KCNA2: variants seen among roughly 807,000 people sequenced by gnomAD.
KCNA2 encodes potassium voltage-gated channel subfamily A member 2.
A neutral mutation model predicts 33.4 loss-of-function variants in KCNA2; 11 were observed. That is an observed-to-expected ratio of 0.33 (90% CI 0.21 to 0.55). The LOEUF (loss-of-function observed/expected upper bound fraction) is 0.55. Among genes scored for constraint, KCNA2 ranks in the 20% least tolerant of loss-of-function variants. The pLI is 0.93. For synonymous variants in KCNA2, 222 were observed against 231.3 expected, an observed-to-expected ratio of 0.96 and a Z score of 0.37; for missense variants, 291 against 621.6, an observed-to-expected ratio of 0.47 and a Z score of 5.66.
rs1649078108 is a variant in KCNA2, at chr1:110,595,914, T to C, written c.*7369A>G. 4.1e-6 allele frequency: 4 copies of C among 985,430 alleles called. No homozygotes were observed. Among genetic ancestry groups the C allele is most frequent in the Non-Finnish European group, 4.8e-6 (4 of 829,928 alleles). The allele number at this position is 985,430 out of a possible 1,614,324, so 61.0% of individuals were successfully genotyped here. A position where few individuals can be genotyped will look rare whatever the true frequency, so the allele number is the denominator to read the frequency against. ...AAGAGAATGCTAAATAGATAAATCC[T>C]TTGCCAGGTCTTCAAGCTTTCCACT... On this transcript the variant is annotated 3_prime_UTR_variant, in exon 3 of 3. Coordinates refer to ENST00000316361, the MANE Select transcript of KCNA2 (RefSeq NM_004974.4).
rs1649042178 is a variant in KCNA2 at position 110,595,134 on chromosome 1, C to T, written c.*8149G>A. ...GATAGCTACCAAGGGTCCTAGCACA[C>T]AGCCACATCTACACTGCCCTCAATG... On this transcript the variant is annotated 3_prime_UTR_variant, in exon 3 of 3. Coordinates refer to ENST00000316361, the MANE Select transcript of KCNA2 (RefSeq NM_004974.4). The T allele has an allele frequency of 1.0e-6, 1 of 985,272 alleles. No homozygotes were observed. The highest frequency in any genetic ancestry group is 1.7e-5 in the African/African-American group (1 of 57,220). The allele number at this position is 985,272 out of a possible 1,614,324, so 61.0% of individuals were successfully genotyped here.
Position 110,599,178 on chromosome 1 carries a change from A to G in KCNA2, c.*4105T>C. The G allele has an allele frequency of 1.0e-6, 1 of 985,464 alleles. No homozygotes were observed. The highest frequency in any genetic ancestry group is 1.2e-6 in the Non-Finnish European group (1 of 829,936). 61.0% of individuals were successfully genotyped at this position (985,464 alleles called of 1,614,324 possible). On this transcript the variant is annotated 3_prime_UTR_variant, in exon 3 of 3. Transcript: ENST00000316361. ...AAATCAGGAGTGAGGCCTGATCCAAAGCCTGACTGCAACTCTTTACTTCCG... is the reference window on the plus strand; with the variant it reads ...AAATCAGGAGTGAGGCCTGATCCAAGGCCTGACTGCAACTCTTTACTTCCG...
intron 1 of KCNA2, among the ~76,000 whole-genome samples, chr1:110,622,536 A>G (rs192225382): frequency 4.4e-4 from 67 of 152,234 alleles, no homozygotes; most frequent in Non-Finnish European, 9.1e-4. Flanking sequence ...TAGATTGTAA[A>G]GGAAGAAGCA....
chr1:110,594,050 C>T lies in KCNA2; in HGVS notation c.*9233G>A. On this transcript the variant is annotated 3_prime_UTR_variant, in exon 3 of 3. Coordinates refer to ENST00000316361, the MANE Select transcript of KCNA2 (RefSeq NM_004974.4). ...CAGCCTCTTATCACCATGGAGACCC[C>T]AGTTCCCTTTCGGCATCATCCTTAC... The T allele has an allele frequency of 6.7e-7, 1 of 1,493,646 alleles. No individual in the cohort carries two copies. Among genetic ancestry groups the T allele is most frequent in the Non-Finnish European group, 8.9e-7 (1 of 1,123,576 alleles). The allele number at this position is 1,493,646 out of a possible 1,614,324, so 92.5% of individuals were successfully genotyped here.
At position 110,594,293 on chromosome 1, in the gene KCNA2, CTATATATATATATACATATA is replaced by C; in HGVS notation, c.*8970_*8989del. ...GGCCATTTCCTCTCTCTCTCTCTCT[CTATATATATATATACATATA>C]TATATATATGTGTGTGTATATATAT... On this transcript the variant is annotated 3_prime_UTR_variant, in exon 3 of 3. Transcript: ENST00000316361. The C allele has an allele frequency of 1.3e-6, 1 of 793,936 alleles. No homozygotes were observed. The highest frequency in any genetic ancestry group is 5.8e-5 in the South Asian group (1 of 17,360). 49.2% of individuals were successfully genotyped at this position (793,936 alleles called of 1,614,324 possible).
In KCNA2 at chr1:110,593,633, A is replaced by T; in HGVS notation, c.*9650T>A. The T allele has an allele frequency of 2.9e-6, 1 of 341,060 alleles. No individual in the cohort carries two copies. The highest frequency in any genetic ancestry group is 5.2e-6 in the Non-Finnish European group (1 of 191,814). The allele number at this position is 341,060 out of a possible 1,614,324, so 21.1% of individuals were successfully genotyped here. A position where few individuals can be genotyped will look rare whatever the true frequency, so the allele number is the denominator to read the frequency against. ...ATCACACAGAATGATGTTAAAATAAATCCCCAGTAATATATATTTATATAC... is the reference window on the plus strand; with the variant it reads ...ATCACACAGAATGATGTTAAAATAATTCCCCAGTAATATATATTTATATAC... On this transcript the variant is annotated 3_prime_UTR_variant, in exon 3 of 3. Transcript: ENST00000316361.
chr1:110,601,227 T>C lies in KCNA2; in HGVS notation c.*2056A>G, dbSNP rs906839959. ...GGTCTGGAGATCAAAATGATGCCTT[T>C]GGATCATCTAGGGACTCCATCACTT... is the stretch of plus-strand genomic sequence containing the variant. On this transcript the variant is annotated 3_prime_UTR_variant, in exon 3 of 3. Coordinates refer to ENST00000316361, the MANE Select transcript of KCNA2 (RefSeq NM_004974.4). 2 of 985,278 alleles carry C rather than the reference T, an allele frequency of 2.0e-6. No individual in the cohort carries two copies. The highest frequency in any genetic ancestry group is 3.5e-5 in the African/African-American group (2 of 57,232). 61.0% of individuals were successfully genotyped at this position (985,278 alleles called of 1,614,324 possible).
chr1:110,620,039 A>C (rs1225610395), intron 1 of KCNA2, among the ~76,000 whole-genome samples: 1 of 140,358 alleles, frequency 7.1e-6, no homozygotes, highest in South Asian at 2.4e-4. Context: ...TTAATGAGAG[A>C]GAGAGAGCGA....
chr1:110,622,414 T>C (rs1650282524), intron 1 of KCNA2, among the ~76,000 whole-genome samples: 1 of 152,158 alleles, frequency 6.6e-6, no homozygotes, highest in Non-Finnish European at 1.5e-5. Flanking sequence ...GACGGAATGC[T>C]TTCCTTCTAA....
chr1:110,630,764 T>C (rs1038500817), intron 1 of KCNA2, among the ~76,000 whole-genome samples: 1 of 152,114 alleles, frequency 6.6e-6, no homozygotes, highest in African/African-American at 2.4e-5. Flanking sequence ...TGCCAAGAAA[T>C]TGCATCTTTC....
Position 110,600,644 on chromosome 1 carries a change from A to G in KCNA2, c.*2639T>C. On this transcript the variant is annotated 3_prime_UTR_variant, in exon 3 of 3. Transcript: ENST00000316361. ...CATTTTAGAGTCCTGGGCCAAGGAC[A>G]CTGTGATAAGATATCTATCCCTGAC... 1 of 985,400 alleles carries G rather than the reference A, an allele frequency of 1.0e-6. No homozygotes were observed. The highest frequency in any genetic ancestry group is 4.7e-5 in the South Asian group (1 of 21,284). 61.0% of individuals were successfully genotyped at this position (985,400 alleles called of 1,614,324 possible).
At chr1:110,624,967 T>A (rs996852277) in intron 1 of KCNA2, among the ~76,000 whole-genome samples, 1 of 152,248 alleles carries the variant, frequency 6.6e-6, no homozygotes, top group Non-Finnish European at 1.5e-5. Flanking sequence ...AGCCTGGGGC[T>A]GCCAATAGAA....
intron 1 of KCNA2, among the ~76,000 whole-genome samples, chr1:110,614,467 C>T (rs1481649083): frequency 1.3e-5 from 2 of 152,228 alleles, no homozygotes; most frequent in Non-Finnish European, 2.9e-5. Flanking sequence ...CCACGTCCTT[C>T]TTCTCTCCCT....
At chr1:110,619,957 C>T (rs2101455068) in intron 1 of KCNA2, among the ~76,000 whole-genome samples, 1 of 152,186 alleles carries the variant, frequency 6.6e-6, no homozygotes, top group East Asian at 1.9e-4. Context: ...TAGGAGACCA[C>T]CTCTCCCTGT....
upstream of KCNA2, among the ~76,000 whole-genome samples, chr1:110,611,119 A>G (rs144337989): frequency 3.9e-4 from 60 of 152,340 alleles, no homozygotes; most frequent in African/African-American, 1.2e-3. Context: ...GGTTAGGACT[A>G]CAGAGGATAA....
Position 110,597,806 on chromosome 1 carries a change from T to A in KCNA2, c.*5477A>T. On this transcript the variant is annotated 3_prime_UTR_variant, in exon 3 of 3. Transcript: ENST00000316361. ...ACAGTCACTATTTATTTTATTGCAC[T>A]TTTCCTCTTTAAAAATATTCAAACA... is the stretch of plus-strand genomic sequence containing the variant. The A allele has an allele frequency of 1.0e-6, 1 of 985,206 alleles. No individual in the cohort carries two copies. Among genetic ancestry groups the A allele is most frequent in the African/African-American group, 1.7e-5 (1 of 57,350 alleles). The allele number at this position is 985,206 out of a possible 1,614,324, so 61.0% of individuals were successfully genotyped here. A position where few individuals can be genotyped will look rare whatever the true frequency, so the allele number is the denominator to read the frequency against.
chr1:110,610,108 A>T (rs1481579554), upstream of KCNA2, among the ~76,000 whole-genome samples: 1 of 152,116 alleles, frequency 6.6e-6, no homozygotes, highest in Non-Finnish European at 1.5e-5. Flanking sequence ...CATGGTGAAA[A>T]TCCCCAAAGA....
chr1:110,594,547 T>G lies in KCNA2; in HGVS notation c.*8736A>C. 1.0e-6 allele frequency: 1 copy of G among 985,354 alleles called. No homozygotes were observed. Among genetic ancestry groups the G allele is most frequent in the Non-Finnish European group, 1.2e-6 (1 of 829,928 alleles). 61.0% of individuals were successfully genotyped at this position (985,354 alleles called of 1,614,324 possible). A position where few individuals can be genotyped will look rare whatever the true frequency, so the allele number is the denominator to read the frequency against. On this transcript the variant is annotated 3_prime_UTR_variant, in exon 3 of 3. Coordinates refer to ENST00000316361, the MANE Select transcript of KCNA2 (RefSeq NM_004974.4). ...CTTAGTGGAGAGAGGGGTGCAGGGA[T>G]GCAGAAAACCAGGAAGAGGCCAATT... is the stretch of plus-strand genomic sequence containing the variant.
At chr1:110,613,571 C>G (rs1649951815) in intron 1 of KCNA2, among the ~76,000 whole-genome samples, 1 of 152,188 alleles carries the variant, frequency 6.6e-6, no homozygotes, top group South Asian at 2.1e-4. Context: ...ACAGGGCCAG[C>G]CAGGGGCTAT....
Sources: allele counts gnomAD v4.1 joint callset (sites outside exome capture counted in the v4.1 genomes callset), GRCh38; gene constraint gnomAD v4.1.1; transcripts MANE v1.5; gene names NCBI Gene and HGNC (gene_info 2026-07-23, HGNC 2026-07-21).